OXSR1: variants seen among roughly 807,000 people sequenced by gnomAD.
OXSR1 encodes the protein serine/threonine-protein kinase OSR1.
OXSR1 carries 24 observed loss-of-function variants against 79.8 expected under a neutral mutation model. The ratio of observed to expected loss-of-function variants is 0.30; its 90% CI spans 0.22 to 0.42. The LOEUF (loss-of-function observed/expected upper bound fraction) is 0.42, where lower values mean the gene tolerates loss of function less well. Among genes scored for constraint, OXSR1 ranks in the 10% least tolerant of loss-of-function variants. The probability of loss-of-function intolerance (pLI) is 1.00; values close to 1 mark genes in which losing one functional copy is unlikely to be tolerated. For synonymous variants in OXSR1, 226 were observed against 209.2 expected, an observed-to-expected ratio of 1.08 and a Z score of -0.69; for missense variants, 430 against 618.4, an observed-to-expected ratio of 0.70 and a Z score of 3.23.
At chr3:38,182,325 G>T (rs923925755) in intron 1 of OXSR1, among the ~76,000 whole-genome samples, 5 of 152,128 alleles carry the variant, frequency 3.3e-5, no homozygotes, top group Non-Finnish European at 7.4e-5. Context: ...GGAGAATCTG[G>T]CCTGCTACTG....
At chr3:38,209,265 C>T (rs1030694147) in intron 4 of OXSR1, among the ~76,000 whole-genome samples, 1 of 152,142 alleles carries the variant, frequency 6.6e-6, no homozygotes, top group Admixed American at 6.5e-5. Flanking sequence ...GTCACTCAGG[C>T]TGGAGTGCAA....
chr3:38,184,495 GA>G (rs1701844077), intron 2 of OXSR1, among the ~76,000 whole-genome samples: 1 of 152,086 alleles, frequency 6.6e-6, no homozygotes, highest in South Asian at 2.1e-4. Context: ...TTCTGTTAAA[GA>G]AAAACAAAAA....
At chr3:38,212,599 A>G (rs989868106) in intron 4 of OXSR1, among the ~76,000 whole-genome samples, 1 of 152,160 alleles carries the variant, frequency 6.6e-6, no homozygotes, top group Non-Finnish European at 1.5e-5. Context: ...GTGCCTATTG[A>G]TGAGTAATAA....
At chr3:38,246,023 C>T (rs959433807) in intron 12 of OXSR1, 52 bp from the exon 13 acceptor site, 2 of 1,571,254 alleles carry the variant, frequency 1.3e-6, no homozygotes, top group East Asian at 2.2e-5. Flanking sequence ...GTCAGCAGAC[C>T]TGCCTCCCTT....
chr3:38,198,154 G>A lies in OXSR1; in HGVS notation c.293-568G>A, dbSNP rs138953039. Among the ~76,000 whole-genome samples, 6 of 152,270 alleles carry A rather than the reference G, an allele frequency of 3.9e-5. No individual in the cohort carries two copies. In the East Asian group the frequency reaches 1.2e-3, roughly 29 times the overall value. On this transcript the variant is annotated intron_variant, in intron 3 of 17. Transcript: ENST00000311806. ...TTAGGATTGATAATACAGCTGGACT[G>A]TTACTTAAAAAGAACTGTTATTTTT...
chr3:38,219,010 C>T (rs1330660611), intron 5 of OXSR1, among the ~76,000 whole-genome samples: 2 of 152,076 alleles, frequency 1.3e-5, no homozygotes, highest in Non-Finnish European at 2.9e-5. Flanking sequence ...TTTTTCACAT[C>T]TAAGTTACTC....
At chr3:38,224,020 A>G (rs1702640661) in intron 7 of OXSR1, 107 bp downstream of exon 7, 1 of 629,438 alleles carries the variant, frequency 1.6e-6, no homozygotes, top group Non-Finnish European at 2.8e-6. Context: ...TACACATAAC[A>G]TAAAATTGAC....
At chr3:38,203,848 GTGT>G (rs1702216317) in intron 4 of OXSR1, among the ~76,000 whole-genome samples, 1 of 152,134 alleles carries the variant, frequency 6.6e-6, no homozygotes, top group Admixed American at 6.5e-5. Flanking sequence ...GCTATTGCCT[GTGT>G]TGTTCAAGGT....
At chr3:38,225,961 A>G (rs1559520297) in intron 8 of OXSR1, among the ~76,000 whole-genome samples, 1 of 152,178 alleles carries the variant, frequency 6.6e-6, no homozygotes, top group Non-Finnish European at 1.5e-5. Flanking sequence ...AAAAATTGTC[A>G]TCACCAAGAG....
intron 4 of OXSR1, among the ~76,000 whole-genome samples, chr3:38,205,980 C>A (rs1404595374): frequency 2.0e-5 from 3 of 152,046 alleles, no homozygotes; most frequent in African/African-American, 4.8e-5. Flanking sequence ...GCTGGAAGAC[C>A]CCACTCTTCA....
Position 38,198,867 on chromosome 3 carries a change from T to C in OXSR1, c.434+4T>C, listed in dbSNP as rs1463648047. On this transcript the variant is annotated splice_donor_region_variant and intron_variant, in intron 4 of 17. Transcript: ENST00000311806. ...ATAAAAATGGACAGATCCACAGGTA[T>C]GTAAAAGACAATACTCTTGTGTTAC... 6.2e-7 allele frequency: 1 copy of C among 1,611,122 alleles called. No individual in the cohort carries two copies. The highest frequency in any genetic ancestry group is 1.3e-5 in the African/African-American group (1 of 74,796).
At chr3:38,210,702 A>G (rs1410277164) in intron 4 of OXSR1, among the ~76,000 whole-genome samples, 1 of 152,186 alleles carries the variant, frequency 6.6e-6, no homozygotes, top group East Asian at 1.9e-4. Flanking sequence ...CATCTGCTCC[A>G]TTAAACTGTA....
chr3:38,249,796 C>T (rs1703218228), intron 14 of OXSR1, among the ~76,000 whole-genome samples, 170 bp from the exon 15 acceptor site: 1 of 152,022 alleles, frequency 6.6e-6, no homozygotes, highest in Non-Finnish European at 1.5e-5. Flanking sequence ...ATGGTCATTC[C>T]GAATTGGTTT....
intron 12 of OXSR1, among the ~76,000 whole-genome samples, chr3:38,243,217 A>T (rs1273042084): frequency 2.6e-5 from 4 of 151,654 alleles, no homozygotes; most frequent in Non-Finnish European, 5.9e-5. Context: ...TTTTTTAGAG[A>T]TAGGGTCTCA....
intron 2 of OXSR1, among the ~76,000 whole-genome samples, chr3:38,187,781 T>A (rs1701910415): frequency 6.6e-6 from 1 of 152,142 alleles, no homozygotes; most frequent in South Asian, 2.1e-4. Context: ...AGGCGGAGTC[T>A]CACTCTGTTG....
At position 38,165,800 on chromosome 3, in the gene OXSR1, G is replaced by C. The variant is rs1024956991; in HGVS notation, c.-77G>C. 4.6e-6 allele frequency: 6 copies of C among 1,309,740 alleles called. No homozygotes were observed. Among genetic ancestry groups the C allele is most frequent in the South Asian group, 2.5e-5 (2 of 80,176 alleles). 81.1% of individuals were successfully genotyped at this position (1,309,740 alleles called of 1,614,324 possible). A position where few individuals can be genotyped will look rare whatever the true frequency, so the allele number is the denominator to read the frequency against. On this transcript the variant is annotated 5_prime_UTR_variant, in exon 1 of 18. Transcript: ENST00000311806. ...GCGGCGGCGGCGGCGGCGGCTGTTG[G>C]GGGTGGGGAGACGCGCGGCGAGGAG...
chr3:38,191,264 T>C (rs1701980781), intron 3 of OXSR1, among the ~76,000 whole-genome samples: 1 of 151,998 alleles, frequency 6.6e-6, no homozygotes, highest in South Asian at 2.1e-4. Flanking sequence ...GGGGTCTCAC[T>C]ATGTTGCCCA....
At chr3:38,200,184 A>C (rs561313556) in intron 4 of OXSR1, among the ~76,000 whole-genome samples, 3 of 152,156 alleles carry the variant, frequency 2.0e-5, no homozygotes, top group African/African-American at 7.2e-5. Flanking sequence ...CCAAGTATGG[A>C]GTCAGGGATG....
At position 38,252,784 on chromosome 3, in the gene OXSR1, T is replaced by C. The variant is rs77853946; in HGVS notation, c.1510-33T>C. 16 of 1,562,806 alleles carry C rather than the reference T, an allele frequency of 1.0e-5. No homozygotes were observed. The East Asian group carries it at 3.6e-4, about 35-fold the overall frequency. On this transcript the variant is annotated intron_variant, in intron 17 of 17. Coordinates refer to ENST00000311806, the MANE Select transcript of OXSR1 (RefSeq NM_005109.3). Reference sequence around the variant, plus strand: ...TGCTACCTGCAAGTTTGTTTATAAATAATCACAGTTTCTCATTTTGTTTGG... The same window carrying C: ...TGCTACCTGCAAGTTTGTTTATAAACAATCACAGTTTCTCATTTTGTTTGG...
Sources: allele counts gnomAD v4.1 joint callset (sites outside exome capture counted in the v4.1 genomes callset), GRCh38; gene constraint gnomAD v4.1.1; transcripts MANE v1.5; gene names NCBI Gene and HGNC (gene_info 2026-07-23, HGNC 2026-07-21).